NBEA: variants seen among roughly 807,000 people sequenced by gnomAD.
NBEA encodes the protein lysosomal-trafficking regulator 2.
Under a neutral mutation model 343.4 loss-of-function variants are expected in NBEA, and 44 were observed. The ratio of observed to expected loss-of-function variants is 0.13; its 90% CI spans 0.10 to 0.16. The LOEUF is 0.16. Ranked by LOEUF, NBEA falls within the 10% of genes least tolerant of loss-of-function variation. The probability of loss-of-function intolerance (pLI) is 1.00; values close to 1 mark genes in which losing one functional copy is unlikely to be tolerated. For synonymous variants in NBEA, 1,175 were observed against 1,238.7 expected, an observed-to-expected ratio of 0.95 and a Z score of 1.08; for missense variants, 2,555 against 3,631.3, an observed-to-expected ratio of 0.70 and a Z score of 7.62.
At chr13:34,982,473 A>G (rs779599918) in intron 1 of NBEA, among the ~76,000 whole-genome samples, 6 of 151,814 alleles carry the variant, frequency 4.0e-5, no homozygotes, top group Non-Finnish European at 8.8e-5. Flanking sequence ...CTAATTTTTT[A>G]TATTTTTAGT....
intron 38 of NBEA, among the ~76,000 whole-genome samples, chr13:35,395,833 T>A (rs2042719291): frequency 6.6e-6 from 1 of 152,294 alleles, no homozygotes; most frequent in East Asian, 1.9e-4. Context: ...TAAGTACACA[T>A]TTGTGAATAT....
intron 12 of NBEA, among the ~76,000 whole-genome samples, chr13:35,109,993 A>G (rs1281240558): frequency 7.2e-6 from 1 of 138,550 alleles, no homozygotes; most frequent in Non-Finnish European, 1.6e-5. Context: ...TCACCGAGTT[A>G]TTAATTATTG....
chr13:35,208,591 A>G, intron 31 of NBEA, 109 bp from the exon 32 acceptor site: 1 of 1,020,916 alleles, frequency 9.8e-7, no homozygotes. Context: ...TTTTTAATTA[A>G]AAGAAGAGAG....
chr13:35,532,100 A>G (rs1276451877), intron 41 of NBEA, among the ~76,000 whole-genome samples: 1 of 152,130 alleles, frequency 6.6e-6, no homozygotes, highest in Non-Finnish European at 1.5e-5. Flanking sequence ...TATATATTAA[A>G]CTTTCTTTTT....
chr13:35,659,708 A>G (rs1175863760), intron 55 of NBEA, among the ~76,000 whole-genome samples: 1 of 152,186 alleles, frequency 6.6e-6, no homozygotes, highest in Admixed American at 6.5e-5. Context: ...TTGAATTATC[A>G]TTGCTTTATT....
chr13:34,944,334 C>T (rs2059124341), intron 1 of NBEA, among the ~76,000 whole-genome samples: 1 of 152,212 alleles, frequency 6.6e-6, no homozygotes, highest in East Asian at 1.9e-4. Flanking sequence ...GCTGCAGCTA[C>T]ATCAGTGGTG....
At chr13:35,415,542 G>A (rs1029789544) in intron 38 of NBEA, among the ~76,000 whole-genome samples, 5 of 152,154 alleles carry the variant, frequency 3.3e-5, no homozygotes, top group African/African-American at 4.8e-5. Context: ...TCAGATAGTT[G>A]TAGATGTATG....
intron 10 of NBEA, among the ~76,000 whole-genome samples, chr13:35,087,097 A>G (rs1462018724): frequency 6.6e-6 from 1 of 151,650 alleles, no homozygotes; most frequent in Non-Finnish European, 1.5e-5. Flanking sequence ...TCAAACACAA[A>G]TTGTCTCTTC....
At chr13:35,114,673 C>A (rs1408846395) in intron 13 of NBEA, among the ~76,000 whole-genome samples, 1 of 152,032 alleles carries the variant, frequency 6.6e-6, no homozygotes, top group African/African-American at 2.4e-5. Flanking sequence ...CTCACTGGCT[C>A]TAGCTACATC....
At chr13:35,440,167 AC>A (rs2045659509) in intron 39 of NBEA, among the ~76,000 whole-genome samples, 1 of 152,220 alleles carries the variant, frequency 6.6e-6, no homozygotes, top group East Asian at 1.9e-4. Flanking sequence ...GGCATGAGCT[AC>A]CATGCCCAGC....
intron 49 of NBEA, among the ~76,000 whole-genome samples, chr13:35,636,024 G>A (rs991730056): frequency 2.0e-5 from 3 of 152,158 alleles, no homozygotes; most frequent in Non-Finnish European, 4.4e-5. Flanking sequence ...ACTTTCACAA[G>A]CATCTAAAGC....
chr13:35,162,387 A>G lies in NBEA; in HGVS notation c.4079+420A>G, dbSNP rs543287549. Among the ~76,000 whole-genome samples the G allele has an allele frequency of 2.0e-5, 3 of 152,190 alleles. No homozygotes were observed. In the South Asian group the frequency reaches 6.2e-4, roughly 31 times the overall value. On this transcript the variant is annotated intron_variant, in intron 23 of 58. Transcript: ENST00000379939. ...GTCGATGGATATAAGTAGCAAGGGC[A>G]ACTTAAATGATCTAGCACAACATTC...
At chr13:35,286,981 G>A (rs986360684) in intron 34 of NBEA, among the ~76,000 whole-genome samples, 4 of 151,954 alleles carry the variant, frequency 2.6e-5, no homozygotes, top group Non-Finnish European at 5.9e-5. Flanking sequence ...ATCTTCTCAA[G>A]TACTTGTATC....
At chr13:35,179,229 C>T (rs904866893) in intron 28 of NBEA, among the ~76,000 whole-genome samples, 2 of 151,490 alleles carry the variant, frequency 1.3e-5, no homozygotes, top group Non-Finnish European at 3.0e-5. Flanking sequence ...TTAACTTTTT[C>T]TTAACCCTTA....
chr13:35,505,489 AT>A lies in NBEA; in HGVS notation c.6585+32956del, dbSNP rs2077041620. Among the ~76,000 whole-genome samples, 3 of 152,282 alleles carry A rather than the reference AT, an allele frequency of 2.0e-5. No homozygotes were observed. In the East Asian group the frequency reaches 5.8e-4, roughly 29 times the overall value. On this transcript the variant is annotated intron_variant, in intron 41 of 58. Transcript: ENST00000379939. The stretch of plus-strand genomic sequence containing the variant: ...ACTGTTTAAATAGTCCAGTTTTATT[AT>A]TTCTCCTTCAACTCTTCATTTTTTC...
chr13:35,450,310 CAAA>C (rs578167924), intron 39 of NBEA, among the ~76,000 whole-genome samples: 1 of 126,806 alleles, frequency 7.9e-6, no homozygotes. Flanking sequence ...CCCATCCCTA[CAAA>C]AAAAAAAAAA....
chr13:35,390,825 T>C (rs889614578), intron 38 of NBEA, among the ~76,000 whole-genome samples: 6 of 152,204 alleles, frequency 3.9e-5, no homozygotes, highest in African/African-American at 1.4e-4. Context: ...AATTTCAAAT[T>C]GTATTATCTC....
chr13:35,222,454 A>G (rs1325909366), intron 33 of NBEA, among the ~76,000 whole-genome samples: 1 of 152,102 alleles, frequency 6.6e-6, no homozygotes, highest in Admixed American at 6.6e-5. Flanking sequence ...ACATGATTGT[A>G]TTGATATCTA....
At chr13:35,572,455 AT>A (rs543500219) in intron 45 of NBEA, among the ~76,000 whole-genome samples, 4 of 152,344 alleles carry the variant, frequency 2.6e-5, no homozygotes, top group African/African-American at 9.6e-5. Context: ...GAAAAAATAT[AT>A]TTTGTTAACA....
Sources: gnomAD v4.1 joint callset for allele counts (sites outside exome capture counted in the v4.1 genomes callset) on GRCh38, gnomAD v4.1.1 for gene constraint, MANE v1.5 for transcripts, NCBI Gene and HGNC (gene_info 2026-07-23, HGNC 2026-07-21) for gene names.